SPAG16: variants seen among roughly 807,000 people sequenced by gnomAD.
The protein encoded by SPAG16 is sperm associated antigen 16.
Under a neutral mutation model 80.4 loss-of-function variants are expected in SPAG16, and 86 were observed. The ratio of observed to expected loss-of-function variants is 1.07; its 90% CI spans 0.90 to 1.28. The LOEUF (loss-of-function observed/expected upper bound fraction) is 1.28, where lower values mean the gene tolerates loss of function less well. Ranked by LOEUF, SPAG16 falls within the 50% of genes most tolerant of loss-of-function variation. The probability of loss-of-function intolerance (pLI) is 0.00; values close to 1 mark genes in which losing one functional copy is unlikely to be tolerated. For missense variants in SPAG16, 870 were observed against 765.3 expected (o/e 1.14, Z -1.61); for synonymous variants, 294 against 265.9 (o/e 1.11, Z -1.03).
chr2:214,175,318 AAT>A (rs1491365079), intron 15 of SPAG16, among the ~76,000 whole-genome samples: 1 of 146,136 alleles, frequency 6.8e-6, no homozygotes, highest in African/African-American at 2.5e-5. Flanking sequence ...TATATAAAGA[AAT>A]ATATATATAA....
intron 11 of SPAG16, among the ~76,000 whole-genome samples, chr2:213,912,493 T>C (rs999709752): frequency 6.6e-6 from 1 of 152,210 alleles, no homozygotes; most frequent in Admixed American, 6.5e-5. Flanking sequence ...TATATGGCTC[T>C]TCAAAATATT....
intron 13 of SPAG16, among the ~76,000 whole-genome samples, chr2:214,027,075 A>C (rs2048169257): frequency 6.6e-6 from 1 of 151,614 alleles, no homozygotes; most frequent in Non-Finnish European, 1.5e-5. Flanking sequence ...TTATCACACA[A>C]GTAAAACACT....
chr2:214,157,355 T>C (rs113462562), intron 15 of SPAG16, among the ~76,000 whole-genome samples: 1 of 152,272 alleles, frequency 6.6e-6, no homozygotes, highest in African/African-American at 2.4e-5. Context: ...GTAATTTTAA[T>C]GTAATGTAAA....
chr2:213,723,090 C>T (rs1279849647), intron 10 of SPAG16, among the ~76,000 whole-genome samples: 1 of 152,146 alleles, frequency 6.6e-6, no homozygotes, highest in Non-Finnish European at 1.5e-5. Flanking sequence ...AAGAGTAACA[C>T]TCCTGGCCTT....
chr2:213,303,035 G>T (rs751056290), intron 3 of SPAG16, among the ~76,000 whole-genome samples: 1 of 152,042 alleles, frequency 6.6e-6, no homozygotes, highest in South Asian at 2.1e-4. Flanking sequence ...AACTGAGGTA[G>T]CATTTATTGT....
At chr2:213,908,359 A>G (rs2077513786) in intron 11 of SPAG16, among the ~76,000 whole-genome samples, 1 of 152,182 alleles carries the variant, frequency 6.6e-6, no homozygotes, top group Admixed American at 6.5e-5. Context: ...TGGGGCATTT[A>G]AAGGAGACAT....
chr2:213,319,646 C>T (rs2063536021), intron 5 of SPAG16, among the ~76,000 whole-genome samples: 1 of 151,948 alleles, frequency 6.6e-6, no homozygotes, highest in African/African-American at 2.4e-5. Flanking sequence ...CACACTGTTT[C>T]AGTTCCTGAT....
At position 213,288,344 on chromosome 2, in the gene SPAG16, T is replaced by G. The variant is rs1197004596; in HGVS notation, c.136+3725T>G. Among the ~76,000 whole-genome samples the G allele has an allele frequency of 3.3e-5, 5 of 152,240 alleles. No individual in the cohort carries two copies. In the East Asian group the frequency reaches 9.7e-4, roughly 29 times the overall value. On this transcript the variant is annotated intron_variant, in intron 1 of 15. Transcript: ENST00000331683. ...TTTTGAGACGGAGTCTCGCTCTGTC[T>G]CCCAGGCTGGAGTGTAGTGGCACGA...
At chr2:213,390,675 G>A (rs1165783659) in intron 9 of SPAG16, among the ~76,000 whole-genome samples, 1 of 152,078 alleles carries the variant, frequency 6.6e-6, no homozygotes. Context: ...ATTTGCTCAG[G>A]CAGCAGCTGG....
intron 9 of SPAG16, among the ~76,000 whole-genome samples, chr2:213,456,203 GT>G (rs2072002527): frequency 6.6e-6 from 1 of 152,148 alleles, no homozygotes; most frequent in Admixed American, 6.5e-5. Context: ...ATTGCTAGCT[GT>G]GCTTTTAGAA....
intron 15 of SPAG16, among the ~76,000 whole-genome samples, chr2:214,346,562 A>G (rs1698066621): frequency 6.6e-6 from 1 of 152,146 alleles, no homozygotes; most frequent in Admixed American, 6.6e-5. Flanking sequence ...GAATCTGTAG[A>G]AGCTTGTGAT....
At chr2:213,591,871 G>A (rs560006118) in intron 10 of SPAG16, among the ~76,000 whole-genome samples, 1 of 152,256 alleles carries the variant, frequency 6.6e-6, no homozygotes, top group South Asian at 2.1e-4. Flanking sequence ...TGAGGAACCC[G>A]ATTAGATTTT....
At chr2:213,544,852 A>T (rs2076565294) in intron 10 of SPAG16, among the ~76,000 whole-genome samples, 1 of 152,038 alleles carries the variant, frequency 6.6e-6, no homozygotes, top group Admixed American at 6.5e-5. Context: ...GAGACTTGAT[A>T]GCTCATTTGT....
intron 15 of SPAG16, among the ~76,000 whole-genome samples, chr2:214,379,590 C>T (rs992009467): frequency 2.0e-5 from 3 of 152,204 alleles, no homozygotes; most frequent in Admixed American, 2.0e-4. Context: ...AGTCTGAAGA[C>T]ATCGGACATT....
At chr2:213,577,429 T>G (rs1359213613) in intron 10 of SPAG16, among the ~76,000 whole-genome samples, 1 of 152,138 alleles carries the variant, frequency 6.6e-6, no homozygotes. Flanking sequence ...CTGCTCTTGC[T>G]CAGGTAAGGC....
At chr2:213,737,107 G>T (rs6435794) in intron 10 of SPAG16, among the ~76,000 whole-genome samples, 59,153 of 152,034 alleles carry the variant, frequency 0.39, 12,345 homozygotes, top group East Asian at 0.61. Context: ...TAAGATGATG[G>T]TTCTTGATTT....
chr2:214,141,815 G>A (rs144103748), intron 14 of SPAG16, among the ~76,000 whole-genome samples: 46 of 151,990 alleles, frequency 3.0e-4, no homozygotes, highest in South Asian at 8.3e-4. Context: ...ATATCTCTTC[G>A]TCCATAATAT....
At chr2:214,017,151 G>A (rs554049443) in intron 13 of SPAG16, among the ~76,000 whole-genome samples, 5 of 152,216 alleles carry the variant, frequency 3.3e-5, no homozygotes, top group African/African-American at 1.2e-4. Flanking sequence ...CAGAAGTCAA[G>A]GGGGCATTGT....
chr2:213,315,424 T>C (rs2063359148), intron 4 of SPAG16, among the ~76,000 whole-genome samples: 1 of 151,972 alleles, frequency 6.6e-6, no homozygotes, highest in South Asian at 2.1e-4. Flanking sequence ...GATACTGCTT[T>C]TGTAATCGTC....
Sources: allele counts gnomAD v4.1 joint callset (sites outside exome capture counted in the v4.1 genomes callset), GRCh38; gene constraint gnomAD v4.1.1; transcripts MANE v1.5; gene names NCBI Gene and HGNC (gene_info 2026-07-23, HGNC 2026-07-21).